NGLY1: variants seen among roughly 807,000 people sequenced by gnomAD.
NGLY1 encodes peptide-N(4)-(N-acetyl-beta-glucosaminyl)asparagine amidase.
In NGLY1, 68 loss-of-function variants were observed where a neutral mutation model predicts 84.6. The ratio of observed to expected loss-of-function variants is 0.80; its 90% CI spans 0.66 to 0.98. The LOEUF (loss-of-function observed/expected upper bound fraction) is 0.98. NGLY1 is among the 50% of genes least tolerant of loss of function. The pLI, the probability that NGLY1 is intolerant of heterozygous loss-of-function variation, is 0.00. For missense variants in NGLY1, 779 were observed against 770.2 expected, an observed-to-expected ratio of 1.01 and a Z score of -0.14; for synonymous variants, 280 against 275.2, an observed-to-expected ratio of 1.02 and a Z score of -0.17.
Position 25,732,236 on chromosome 3 carries a change from T to C in NGLY1, c.1425+83A>G, listed in dbSNP as rs755726433. ...AAGTTAACTGAAAGGTCATAGTCAA[T>C]GCAGTTGGAGGATAGTATAGGAAGA... On this transcript the variant is annotated intron_variant, in intron 9 of 11. Coordinates refer to ENST00000280700, the MANE Select transcript of NGLY1 (RefSeq NM_018297.4). 1.4e-5 allele frequency: 18 copies of C among 1,248,772 alleles called. No homozygotes were observed. In the South Asian group the frequency reaches 1.7e-4, roughly 12 times the overall value. The allele number at this position is 1,248,772 out of a possible 1,614,324, so 77.4% of individuals were successfully genotyped here. A position where few individuals can be genotyped will look rare whatever the true frequency, so the allele number is the denominator to read the frequency against.
chr3:25,783,411 C>T lies in NGLY1; in HGVS notation c.-21G>A, dbSNP rs776741058. The T allele has an allele frequency of 3.3e-6, 5 of 1,520,510 alleles. No individual in the cohort carries two copies. Among genetic ancestry groups the T allele is most frequent in the South Asian group, 1.2e-5 (1 of 82,766 alleles). The allele number at this position is 1,520,510 out of a possible 1,614,324, so 94.2% of individuals were successfully genotyped here. ...GCCATGCTTGAGCGCCAGCGGGCGC[C>T]GCCGCCGCCCCTCGCTCTCCGCGTC... On this transcript the variant is annotated 5_prime_UTR_variant, in exon 1 of 12. Coordinates refer to ENST00000280700, the MANE Select transcript of NGLY1 (RefSeq NM_018297.4). The surrounding 1 kb of genome is among the most constrained non-coding windows in gnomAD (Gnocchi z 4.5).
At position 25,733,869 on chromosome 3, in the gene NGLY1, T is replaced by C; in HGVS notation, c.1260+3A>G. The C allele has an allele frequency of 2.5e-6, 4 of 1,608,148 alleles. No individual in the cohort carries two copies. Among genetic ancestry groups the C allele is most frequent in the African/African-American group, 1.3e-5 (1 of 74,924 alleles). On this transcript the variant is annotated splice_donor_region_variant and intron_variant, in intron 8 of 11. Coordinates refer to ENST00000280700, the MANE Select transcript of NGLY1 (RefSeq NM_018297.4). Reference sequence around the variant, plus strand: ...TCTTTCAAAAAAGATAGCCACACCATACCTGCTTATTAAGCCCATTAATAG... The same window carrying C: ...TCTTTCAAAAAAGATAGCCACACCACACCTGCTTATTAAGCCCATTAATAG...
Position 25,720,006 on chromosome 3 carries a change from A to G in NGLY1, c.1789+8T>C, listed in dbSNP as rs759588336. On this transcript the variant is annotated splice_region_variant and intron_variant, in intron 11 of 11. Transcript: ENST00000280700. ...ATTTCGTGATTAATTCTCCAGGCAA[A>G]TGCTTACCGCCTGTCAGTTCTACTT... 7.5e-6 allele frequency: 12 copies of G among 1,603,556 alleles called. No individual in the cohort carries two copies. In the African/African-American group the frequency reaches 1.3e-4, roughly 18 times the overall value.
chr3:25,735,383 A>G (rs1705765549), intron 7 of NGLY1: 1 of 152,220 alleles, frequency 6.6e-6, no homozygotes, highest in African/African-American at 2.4e-5. Context: ...CCCAATTAAA[A>G]AAAATAAGCA....
chr3:25,743,190 C>G (rs1442639113), intron 4 of NGLY1, among the ~76,000 whole-genome samples: 1 of 152,162 alleles, frequency 6.6e-6, no homozygotes, highest in Non-Finnish European at 1.5e-5. Context: ...TCTGGGGATA[C>G]TTCGATTTCC....
Position 25,729,221 on chromosome 3 carries a change from G to C in NGLY1, c.1523C>G (p.Ser508Ter). The change falls in exon 10 of 12, where the codon TCA (serine) becomes TGA (stop). Residue 508 changes from serine (S) to a stop codon, truncating the protein, a stop_gained. Coordinates refer to ENST00000280700, the MANE Select transcript of NGLY1 (RefSeq NM_018297.4). LOFTEE classifies it high-confidence loss of function. ...NIVKDRYVRV[S>*]NNNQTISGWE... ...TCCAGAAATGGTTTGATTGTTATTT[G>C]AAACTCGAACATAACGATCTTTCAC... The C allele has an allele frequency of 6.4e-7, 1 of 1,563,910 alleles. No individual in the cohort carries two copies. The highest frequency in any genetic ancestry group is 8.7e-7 in the Non-Finnish European group (1 of 1,151,380).
chr3:25,788,531 T>G (rs892126225), intron 1 of NGLY1, among the ~76,000 whole-genome samples: 1 of 152,186 alleles, frequency 6.6e-6, no homozygotes, highest in African/African-American at 2.4e-5. Flanking sequence ...GATACAAAAA[T>G]GATGGTCTTT....
At chr3:25,742,694 T>C (rs1252069488) in intron 4 of NGLY1, among the ~76,000 whole-genome samples, 1 of 152,068 alleles carries the variant, frequency 6.6e-6, no homozygotes, top group Non-Finnish European at 1.5e-5. Flanking sequence ...TAGAGTAATC[T>C]TCTTAAAAGT....
At chr3:25,755,404 G>T in intron 3 of NGLY1, 1 of 1,423,740 alleles carries the variant, frequency 7.0e-7, no homozygotes, top group Non-Finnish European at 9.9e-7. Context: ...CTACTATAGT[G>T]ACCCCACAAA....
At chr3:25,740,186 G>C (rs933962694) in intron 4 of NGLY1, among the ~76,000 whole-genome samples, 1 of 152,104 alleles carries the variant, frequency 6.6e-6, no homozygotes, top group Non-Finnish European at 1.5e-5. Context: ...TTTGTTATCA[G>C]GTATATACAC....
intron 2 of NGLY1, among the ~76,000 whole-genome samples, chr3:25,776,552 T>C (rs998359726): frequency 6.6e-6 from 1 of 152,234 alleles, no homozygotes; most frequent in African/African-American, 2.4e-5. Context: ...TAAACTCATA[T>C]AGCCAACTGC....
At chr3:25,751,364 G>A (rs535635369) in intron 3 of NGLY1, 101 bp from the exon 4 acceptor site, 1 of 941,858 alleles carries the variant, frequency 1.1e-6, no homozygotes. Context: ...AGATAGAAGG[G>A]AATGTATGGA....
chr3:25,738,973 G>A (rs1705984814), intron 5 of NGLY1, among the ~76,000 whole-genome samples: 1 of 152,100 alleles, frequency 6.6e-6, no homozygotes, highest in African/African-American at 2.4e-5. Flanking sequence ...AAAATTTAGA[G>A]ATATGAGGAG....
At chr3:25,740,154 T>C (rs1490920447) in intron 4 of NGLY1, among the ~76,000 whole-genome samples, 1 of 152,136 alleles carries the variant, frequency 6.6e-6, no homozygotes, top group Non-Finnish European at 1.5e-5. Flanking sequence ...TTGAAAAACA[T>C]TTAAAAATGG....
At chr3:25,738,869 A>G (rs1009485733) in intron 5 of NGLY1, among the ~76,000 whole-genome samples, 2 of 152,224 alleles carry the variant, frequency 1.3e-5, no homozygotes, top group African/African-American at 4.8e-5. Flanking sequence ...TAATACAACC[A>G]GACTTTATAA....
chr3:25,745,054 C>G (rs1013583051), intron 4 of NGLY1, among the ~76,000 whole-genome samples: 1 of 152,160 alleles, frequency 6.6e-6, no homozygotes, highest in Non-Finnish European at 1.5e-5. Context: ...TACCATACCA[C>G]TTATTTCACT....
chr3:25,722,274 C>CACATAT (rs145856271), intron 10 of NGLY1, among the ~76,000 whole-genome samples: 78,420 of 148,452 alleles, frequency 0.53, 24,287 homozygotes, highest in East Asian at 0.76. Context: ...TGTATACACA[C>CACATAT]ATATATATAT....
intron 2 of NGLY1, among the ~76,000 whole-genome samples, chr3:25,772,411 CT>C (rs113307280): frequency 2.0e-5 from 3 of 152,180 alleles, no homozygotes; most frequent in African/African-American, 7.2e-5. Context: ...CCCCCTTTGT[CT>C]TTTTTTAACT....
At chr3:25,764,644 T>C (rs577510722) in intron 2 of NGLY1, among the ~76,000 whole-genome samples, 1 of 151,416 alleles carries the variant, frequency 6.6e-6, no homozygotes, top group Non-Finnish European at 1.5e-5. Context: ...AAATGCATAT[T>C]CCTATCCTCT....
Sources: allele counts gnomAD v4.1 joint callset (sites outside exome capture counted in the v4.1 genomes callset), GRCh38; gene constraint gnomAD v4.1.1; non-coding constraint Gnocchi (gnomAD v3.1); transcripts MANE v1.5; gene names NCBI Gene and HGNC (gene_info 2026-07-23, HGNC 2026-07-21).